DLGAP2: variants seen among roughly 807,000 people sequenced by gnomAD.
The protein encoded by DLGAP2 is DLG associated protein 2, also known as disks large-associated protein 2.
DLGAP2 carries 26 observed loss-of-function variants against 100.3 expected under a neutral mutation model. That is an observed-to-expected ratio of 0.26 (90% CI 0.19 to 0.36). The LOEUF is 0.36. Among genes scored for constraint, DLGAP2 ranks in the 10% least tolerant of loss-of-function variants. The probability of loss-of-function intolerance (pLI) is 1.00; values close to 1 mark genes in which losing one functional copy is unlikely to be tolerated. For synonymous variants in DLGAP2, 886 were observed against 630.1 expected (o/e 1.41, Z -6.08); for missense variants, 1,858 against 1,453.2 (o/e 1.28, Z -4.53).
rs1301971987 is a variant in DLGAP2, at chr8:1,417,634, G to GTGGGGCACA, written c.107-83732_107-83731insTGGGGCACA. On this transcript the variant is annotated intron_variant, in intron 3 of 14. Transcript: ENST00000637795. ...GGACTTCACTGCGTGGCCGCCTCCA[G>GTGGGGCACA]GGGGGCACGGGGAGCCCCACTCCTG... Among the ~76,000 whole-genome samples, 277 of 146,820 alleles carry GTGGGGCACA rather than the reference G, an allele frequency of 1.9e-3. 8 individuals are homozygous for GTGGGGCACA. Among genetic ancestry groups the GTGGGGCACA allele is most frequent in the South Asian group, 3.4e-3 (15 of 4,462 alleles).
At chr8:1,607,437 AT>A (rs1306099999) in intron 6 of DLGAP2, among the ~76,000 whole-genome samples, 1 of 152,234 alleles carries the variant, frequency 6.6e-6, no homozygotes, top group African/African-American at 2.4e-5. Flanking sequence ...AGGAAATCTA[AT>A]TTATACTCCT....
At chr8:1,588,085 A>G (rs1796179548) in intron 6 of DLGAP2, among the ~76,000 whole-genome samples, 1 of 152,240 alleles carries the variant, frequency 6.6e-6, no homozygotes, top group Non-Finnish European at 1.5e-5. Flanking sequence ...CATTCGCACG[A>G]TGAAGAGTGT....
intron 1 of DLGAP2, among the ~76,000 whole-genome samples, chr8:760,838 G>T (rs1821061746): frequency 6.6e-6 from 1 of 152,130 alleles, no homozygotes; most frequent in Admixed American, 6.6e-5. Flanking sequence ...CTCTCCTGTT[G>T]CTGGGGTTTG....
intron 1 of DLGAP2, among the ~76,000 whole-genome samples, chr8:752,587 G>A (rs1449714247): frequency 6.6e-6 from 1 of 152,210 alleles, no homozygotes; most frequent in Admixed American, 6.5e-5. Flanking sequence ...TGGGGCAGGA[G>A]GTTCTCCAGA....
chr8:926,952 G>A (rs1400524778), intron 2 of DLGAP2: 2 of 875,986 alleles, frequency 2.3e-6, no homozygotes, highest in African/African-American at 3.6e-5. Context: ...TGCGCTGTGG[G>A]GGTGGGGACA....
intron 3 of DLGAP2, among the ~76,000 whole-genome samples, chr8:1,269,145 C>G (rs1340453941): frequency 6.6e-6 from 1 of 152,196 alleles, no homozygotes; most frequent in Non-Finnish European, 1.5e-5. Context: ...GGCCCGTCTG[C>G]CACCTCTTCT....
intron 3 of DLGAP2, among the ~76,000 whole-genome samples, chr8:1,344,185 G>GTCCGTGTACTCGGGTCCCTGTCGTCA (rs1801500218): frequency 1.3e-5 from 1 of 76,514 alleles, no homozygotes; most frequent in Admixed American, 1.7e-4. Flanking sequence ...CGCTGTCGTG[G>GTCCGTGTACTCGGGTCCCTGTCGTCA]GTCCGTGTAC....
At chr8:1,414,529 G>T (rs1335774793) in intron 3 of DLGAP2, among the ~76,000 whole-genome samples, 1 of 152,228 alleles carries the variant, frequency 6.6e-6, no homozygotes, top group Admixed American at 6.5e-5. Flanking sequence ...AGGTGGCGGG[G>T]AGGGACTGAC....
At chr8:1,327,692 A>G (rs570857361) in intron 3 of DLGAP2, among the ~76,000 whole-genome samples, 63 of 151,982 alleles carry the variant, frequency 4.1e-4, no homozygotes, top group Non-Finnish European at 8.4e-4. Context: ...AAAATACAAA[A>G]AACTATCCGG....
At chr8:1,632,648 G>A (rs1188154505) in intron 7 of DLGAP2, among the ~76,000 whole-genome samples, 179 bp from the exon 8 acceptor site, 2 of 152,182 alleles carry the variant, frequency 1.3e-5, no homozygotes, top group Non-Finnish European at 2.9e-5. Context: ...TTTCGTAAGG[G>A]AAAACCCAAT....
At chr8:1,591,605 G>A (rs1021407533) in intron 6 of DLGAP2, among the ~76,000 whole-genome samples, 3 of 152,104 alleles carry the variant, frequency 2.0e-5, no homozygotes, top group African/African-American at 4.8e-5. Context: ...GACTCACTGT[G>A]GGTAAAATGA....
intron 3 of DLGAP2, among the ~76,000 whole-genome samples, chr8:1,289,021 C>T (rs1466138193): frequency 1.3e-5 from 2 of 152,110 alleles, no homozygotes; most frequent in African/African-American, 4.8e-5. Context: ...ACAAAAATCC[C>T]TTTGAATCTG....
chr8:1,601,859 G>A (rs954032043), intron 6 of DLGAP2, among the ~76,000 whole-genome samples: 3 of 152,008 alleles, frequency 2.0e-5, no homozygotes, highest in Non-Finnish European at 2.9e-5. Flanking sequence ...AGCTTAAATA[G>A]CACCTGTTCA....
At position 1,324,013 on chromosome 8, in the gene DLGAP2, C is replaced by T. The variant is rs139994601; in HGVS notation, c.106+65130C>T. Among the ~76,000 whole-genome samples, 9 of 152,314 alleles carry T rather than the reference C, an allele frequency of 5.9e-5. No individual in the cohort carries two copies. The East Asian group carries it at 1.7e-3, about 29-fold the overall frequency. ...AGTTGCTGTTTCTTTACACCAGATT[C>T]ATCTGGCAACTGAAGTGTGCGTCTG... On this transcript the variant is annotated intron_variant, in intron 3 of 14. Transcript: ENST00000637795.
chr8:1,151,860 A>G (rs1272096262), intron 2 of DLGAP2, among the ~76,000 whole-genome samples: 1 of 152,216 alleles, frequency 6.6e-6, no homozygotes, highest in Non-Finnish European at 1.5e-5. Context: ...TTCCATTAGA[A>G]CAAACTATTG....
At chr8:986,480 G>A (rs73538116) in intron 2 of DLGAP2, among the ~76,000 whole-genome samples, 3,799 of 152,142 alleles carry the variant, frequency 0.025, 158 homozygotes, top group African/African-American at 0.087. Context: ...CTAGTGTTAA[G>A]TGTTGCATAA....
At chr8:960,252 T>TTTTTTTTTTTTTTTTTTTTTTTTG in intron 2 of DLGAP2, among the ~76,000 whole-genome samples, 2 of 142,016 alleles carry the variant, frequency 1.4e-5, no homozygotes, top group African/African-American at 2.8e-5. Flanking sequence ...TTTTTTTTTT[T>TTTTTTTTTTTTTTTTTTTTTTTTG]CCCGAGACAC....
intron 1 of DLGAP2, among the ~76,000 whole-genome samples, chr8:890,224 TTAGTTTCTGA>T (rs1798007619): frequency 1.3e-5 from 2 of 152,122 alleles, no homozygotes; most frequent in African/African-American, 4.8e-5. Context: ...CCTTGGGCGT[TTAGTTTCTGA>T]TACAGACATT....
At chr8:1,501,118 C>T (rs1799708541) in intron 3 of DLGAP2, among the ~76,000 whole-genome samples, 1 of 152,068 alleles carries the variant, frequency 6.6e-6, no homozygotes, top group South Asian at 2.1e-4. Flanking sequence ...GGACTCACTG[C>T]CTATGTCCGT....
Sources: allele counts gnomAD v4.1 joint callset (sites outside exome capture counted in the v4.1 genomes callset), GRCh38; gene constraint gnomAD v4.1.1; transcripts MANE v1.5; gene names NCBI Gene and HGNC (gene_info 2026-07-23, HGNC 2026-07-21).